TMCO1: variants seen among roughly 807,000 people sequenced by gnomAD.
TMCO1 encodes transmembrane and coiled-coil domains 1.
TMCO1 carries 29 observed loss-of-function variants against 29.3 expected under a neutral mutation model. That is an observed-to-expected ratio of 0.99 (90% CI 0.74 to 1.35). The LOEUF (loss-of-function observed/expected upper bound fraction) is 1.35, where lower values mean the gene tolerates loss of function less well. TMCO1 is among the 40% of genes most tolerant of loss of function. The pLI is 0.00. For synonymous variants in TMCO1, 80 were observed against 77.1 expected, an observed-to-expected ratio of 1.04 and a Z score of -0.20; for missense variants, 173 against 225.5, an observed-to-expected ratio of 0.77 and a Z score of 1.49.
intron 6 of TMCO1, among the ~76,000 whole-genome samples, chr1:165,730,137 C>G (rs540053184): frequency 7.4e-6 from 1 of 134,458 alleles, no homozygotes; most frequent in Non-Finnish European, 1.5e-5. Context: ...CTGGCTAACA[C>G]GGTGAAACCC....
intron 6 of TMCO1, among the ~76,000 whole-genome samples, chr1:165,729,103 T>TAAA (rs553390393): frequency 3.9e-5 from 3 of 76,350 alleles, no homozygotes; most frequent in Non-Finnish European, 5.0e-5. Context: ...AGATTCTGTC[T>TAAA]AAAAAAAAAA....
At chr1:165,739,187 T>C (rs1438487073) in intron 6 of TMCO1, among the ~76,000 whole-genome samples, 2 of 152,212 alleles carry the variant, frequency 1.3e-5, no homozygotes, top group Non-Finnish European at 2.9e-5. Flanking sequence ...GCAGATTTTC[T>C]TATTTTAACT....
intron 6 of TMCO1, among the ~76,000 whole-genome samples, chr1:165,737,655 G>A (rs1360385577): frequency 6.6e-6 from 1 of 152,162 alleles, no homozygotes; most frequent in African/African-American, 2.4e-5. Context: ...GAACTTTTCA[G>A]AAACAATGGA....
intron 1 of TMCO1, 197 bp from the exon 2 acceptor site, chr1:165,768,466 C>G (rs1014530697): frequency 2.6e-6 from 4 of 1,539,880 alleles, no homozygotes; most frequent in Non-Finnish European, 3.5e-6. Flanking sequence ...TCCACAAATA[C>G]CCAAGTGAAA....
chr1:165,730,498 C>G (rs1439253690), intron 6 of TMCO1, among the ~76,000 whole-genome samples: 2 of 152,140 alleles, frequency 1.3e-5, no homozygotes, highest in African/African-American at 4.8e-5. Context: ...AATACTATAG[C>G]TCATTCTTTA....
At chr1:165,764,430 G>A (rs1242204142) in intron 2 of TMCO1, among the ~76,000 whole-genome samples, 2 of 152,294 alleles carry the variant, frequency 1.3e-5, no homozygotes, top group South Asian at 2.1e-4. Flanking sequence ...ACCACTCTAA[G>A]GAGAGGTATG....
At chr1:165,760,418 G>C (rs1256753626) in intron 2 of TMCO1, among the ~76,000 whole-genome samples, 3 of 136,272 alleles carry the variant, frequency 2.2e-5, no homozygotes, top group East Asian at 4.2e-4. Context: ...GCAATAGAGC[G>C]AGACTCTGTT....
At chr1:165,757,698 A>T (rs1652251049) in intron 3 of TMCO1, among the ~76,000 whole-genome samples, 1 of 152,190 alleles carries the variant, frequency 6.6e-6, no homozygotes, top group African/African-American at 2.4e-5. Flanking sequence ...GGGTTTCGCC[A>T]TGTTGGTCAG....
At chr1:165,752,726 G>A (rs1343021820) in intron 4 of TMCO1, among the ~76,000 whole-genome samples, 5 of 151,636 alleles carry the variant, frequency 3.3e-5, no homozygotes, top group African/African-American at 7.3e-5. Context: ...CCTGAGAGGC[G>A]GAGGTTGCAG....
downstream of TMCO1, chr1:165,724,848 C>G (rs1459116730): frequency 8.8e-6 from 4 of 453,630 alleles, no homozygotes; most frequent in African/African-American, 2.0e-5. Context: ...GAAATATTTA[C>G]AGATAAATGA....
chr1:165,729,319 CTTT>C (rs11298819), intron 6 of TMCO1, among the ~76,000 whole-genome samples: 11 of 133,776 alleles, frequency 8.2e-5, no homozygotes, highest in Admixed American at 1.5e-4. Context: ...TCTCATAATT[CTTT>C]TTTTTTTTTT....
intron 3 of TMCO1, among the ~76,000 whole-genome samples, chr1:165,755,408 T>G (rs185587081): frequency 2.0e-4 from 30 of 152,244 alleles, no homozygotes; most frequent in Middle Eastern, 3.4e-3. Context: ...AGGCCATGTG[T>G]GGTAGCCCAC....
chr1:165,762,382 G>A (rs1223548882), intron 2 of TMCO1, among the ~76,000 whole-genome samples: 1 of 151,914 alleles, frequency 6.6e-6, no homozygotes, highest in Middle Eastern at 3.2e-3. Context: ...ACCCCAGAAG[G>A]ACTATAACAC....
At chr1:165,767,394 T>G (rs1652612916) in intron 2 of TMCO1, among the ~76,000 whole-genome samples, 1 of 152,206 alleles carries the variant, frequency 6.6e-6, no homozygotes, top group South Asian at 2.1e-4. Flanking sequence ...TAACAAACCC[T>G]TCTTGTTTTT....
chr1:165,731,333 AATGT>A (rs1481332170), intron 6 of TMCO1, among the ~76,000 whole-genome samples: 1 of 152,228 alleles, frequency 6.6e-6, no homozygotes, highest in African/African-American at 2.4e-5. Flanking sequence ...GAGCACCTAC[AATGT>A]ATTTAGCACT....
chr1:165,758,504 C>T (rs542252685), intron 3 of TMCO1, among the ~76,000 whole-genome samples: 5 of 150,622 alleles, frequency 3.3e-5, no homozygotes, highest in East Asian at 2.0e-4. Flanking sequence ...TGCAGTGAGC[C>T]GAGATCACAC....
intron 5 of TMCO1, among the ~76,000 whole-genome samples, chr1:165,746,913 A>G (rs1356279076): frequency 6.6e-6 from 1 of 152,180 alleles, no homozygotes; most frequent in Non-Finnish European, 1.5e-5. Context: ...TAGAGAATCA[A>G]ATTAAAAGCT....
At chr1:165,756,464 A>G (rs951234784) in intron 3 of TMCO1, among the ~76,000 whole-genome samples, 1 of 152,074 alleles carries the variant, frequency 6.6e-6, no homozygotes, top group African/African-American at 2.4e-5. Flanking sequence ...CTTCAAATAA[A>G]CCCCTTATGA....
intron 4 of TMCO1, 84 bp downstream of exon 4, chr1:165,754,144 G>C: frequency 8.7e-7 from 1 of 1,149,806 alleles, no homozygotes; most frequent in Admixed American, 1.7e-5. Context: ...TTCTGAAAAG[G>C]TGAGTGCAAT....
Sources: allele counts gnomAD v4.1 joint callset (sites outside exome capture counted in the v4.1 genomes callset), GRCh38; gene constraint gnomAD v4.1.1; transcripts MANE v1.5; gene names NCBI Gene and HGNC (gene_info 2026-07-23, HGNC 2026-07-21).